DPEP1: variants seen among roughly 807,000 people sequenced by gnomAD.
DPEP1 encodes dipeptidase 1.
DPEP1 carries 50 observed loss-of-function variants against 42.3 expected under a neutral mutation model. The ratio of observed to expected loss-of-function variants is 1.18; its 90% CI spans 0.94 to 1.50. The LOEUF is 1.50. DPEP1 is among the 40% of genes most tolerant of loss of function. DPEP1 has a pLI of 0.00. For missense variants in DPEP1, 663 were observed against 553.0 expected, an observed-to-expected ratio of 1.20 and a Z score of -1.99; for synonymous variants, 297 against 234.0, an observed-to-expected ratio of 1.27 and a Z score of -2.46.
At chr16:89,625,695 C>G (rs2059502541) in intron 1 of DPEP1, among the ~76,000 whole-genome samples, 1 of 152,104 alleles carries the variant, frequency 6.6e-6, no homozygotes, top group Admixed American at 6.5e-5. Context: ...ACTGGAAACT[C>G]TGGGACAAAC....
rs1232059956 is a variant in DPEP1, at chr16:89,621,294, C to T, written c.-107+7575C>T. ...GGGGGATCAGAGTGGTGGGGGCAAC[C>T]GTGGGGGGCCTGGGCAGGGTGAGGA... On this transcript the variant is annotated intron_variant, in intron 1 of 10. Coordinates refer to ENST00000690203, the MANE Select transcript of DPEP1 (RefSeq NM_001389466.1). Among the ~76,000 whole-genome samples the T allele has an allele frequency of 8.7e-5, 8 of 92,060 alleles. No individual in the cohort carries two copies. The South Asian group carries it at 2.4e-3, about 27-fold the overall frequency. The allele number at this position is 92,060 out of a possible 152,430, so 60.4% of individuals were successfully genotyped here. A position where few individuals can be genotyped will look rare whatever the true frequency, so the allele number is the denominator to read the frequency against.
In DPEP1 at chr16:89,636,247, C is replaced by A. The variant is rs1330446502; in HGVS notation, c.238-17C>A. 6.3e-7 allele frequency: 1 copy of A among 1,599,614 alleles called. No homozygotes were observed. The highest frequency in any genetic ancestry group is 1.7e-5 in the Admixed American group (1 of 58,148). ...GACCTGGCTGCATCAGCTCCTGGCACCCCCTGCGGCCCACAGTTCTGGTCC... is the reference window on the plus strand; with the variant it reads ...GACCTGGCTGCATCAGCTCCTGGCAACCCCTGCGGCCCACAGTTCTGGTCC... On this transcript the variant is annotated splice_polypyrimidine_tract_variant and intron_variant, in intron 3 of 10. Transcript: ENST00000690203.
chr16:89,614,045 G>C (rs925188184), intron 1 of DPEP1, among the ~76,000 whole-genome samples: 1 of 151,754 alleles, frequency 6.6e-6, no homozygotes, highest in Non-Finnish European at 1.5e-5. Context: ...CTGGGGCCAG[G>C]TGTGTGGGGC....
At chr16:89,636,834 A>C (rs987806120) in intron 5 of DPEP1, 32 bp from the exon 6 acceptor site, 3 of 1,611,380 alleles carry the variant, frequency 1.9e-6, no homozygotes, top group Non-Finnish European at 2.5e-6. Context: ...ACCACCGCTC[A>C]CCTCTTGGGC....
intron 1 of DPEP1, among the ~76,000 whole-genome samples, chr16:89,615,208 C>T (rs567226292): frequency 5.9e-5 from 9 of 152,228 alleles, no homozygotes; most frequent in African/African-American, 7.2e-5. Context: ...GTCCCTCAGT[C>T]CCTGCTTGCA....
intron 2 of DPEP1, among the ~76,000 whole-genome samples, chr16:89,631,385 T>C (rs2059586337): frequency 1.3e-5 from 2 of 152,172 alleles, no homozygotes; most frequent in African/African-American, 4.8e-5. Flanking sequence ...GGAGGCCTCC[T>C]GCTTCCAGGC....
chr16:89,641,120 A>G (rs1402647749), downstream of DPEP1, among the ~76,000 whole-genome samples: 1 of 152,238 alleles, frequency 6.6e-6, no homozygotes, highest in Non-Finnish European at 1.5e-5. Flanking sequence ...GCTGTCTAGA[A>G]GGCAGAGCCA....
downstream of DPEP1, among the ~76,000 whole-genome samples, chr16:89,639,413 C>G (rs142713696): frequency 3.6e-3 from 186 of 51,628 alleles, 11 homozygotes; most frequent in African/African-American, 0.017. Flanking sequence ...CACACCCCCA[C>G]CCCTACACAC....
Position 89,620,256 on chromosome 16 carries a change from A to T in DPEP1, c.-107+6537A>T, listed in dbSNP as rs570028074. ...GGCCAGGGTCAGTGTCCTCCGAGGGAGTCAGGGAGGTGGCTGGGGTCTGCC... is the reference window on the plus strand; with the variant it reads ...GGCCAGGGTCAGTGTCCTCCGAGGGTGTCAGGGAGGTGGCTGGGGTCTGCC... On this transcript the variant is annotated intron_variant, in intron 1 of 10. Coordinates refer to ENST00000690203, the MANE Select transcript of DPEP1 (RefSeq NM_001389466.1). Among the ~76,000 whole-genome samples, 3 of 152,142 alleles carry T rather than the reference A, an allele frequency of 2.0e-5. No individual in the cohort carries two copies. In the South Asian group the frequency reaches 6.2e-4, roughly 32 times the overall value.
intron 3 of DPEP1, 91 bp from the exon 4 acceptor site, chr16:89,636,173 C>G: frequency 3.2e-6 from 5 of 1,552,320 alleles, no homozygotes; most frequent in Non-Finnish European, 4.3e-6. Flanking sequence ...GGAGGGCTTC[C>G]CAGCGGGTGG....
intron 1 of DPEP1, among the ~76,000 whole-genome samples, chr16:89,614,384 C>T (rs1453915317): frequency 6.6e-6 from 1 of 152,222 alleles, no homozygotes; most frequent in Non-Finnish European, 1.5e-5. Flanking sequence ...AGTCCCCGGA[C>T]TTACTCTCTG....
intron 3 of DPEP1, 111 bp from the exon 4 acceptor site, chr16:89,636,153 C>T: frequency 6.5e-7 from 1 of 1,547,602 alleles, no homozygotes. Context: ...CCCTCGGTGC[C>T]CAGGCCGAGG....
chr16:89,614,963 C>G (rs1597736545), intron 1 of DPEP1, among the ~76,000 whole-genome samples: 2 of 152,238 alleles, frequency 1.3e-5, no homozygotes, highest in African/African-American at 4.8e-5. Flanking sequence ...TCTTACACAG[C>G]CAAGCTATTT....
intron 1 of DPEP1, among the ~76,000 whole-genome samples, chr16:89,625,728 A>G (rs1448931247): frequency 5.3e-5 from 8 of 152,322 alleles, no homozygotes; most frequent in African/African-American, 1.9e-4. Flanking sequence ...CGGAAAAGAC[A>G]GGTGTAAGGT....
intron 1 of DPEP1, among the ~76,000 whole-genome samples, chr16:89,629,866 C>A (rs1415925610): frequency 6.6e-6 from 1 of 152,214 alleles, no homozygotes; most frequent in African/African-American, 2.4e-5. Flanking sequence ...CAGCAGCTTC[C>A]TGGAACGCCC....
chr16:89,632,637 G>C (rs1225729736), intron 2 of DPEP1, among the ~76,000 whole-genome samples: 4 of 152,146 alleles, frequency 2.6e-5, no homozygotes, highest in African/African-American at 7.2e-5. Flanking sequence ...CATTGCCCCA[G>C]CTGCACAGAT....
chr16:89,630,079 T>C (rs2059564381), intron 1 of DPEP1, among the ~76,000 whole-genome samples: 1 of 152,146 alleles, frequency 6.6e-6, no homozygotes, highest in Non-Finnish European at 1.5e-5. Flanking sequence ...CAGCCTGCTG[T>C]CCTTTCATCT....
At chr16:89,621,026 C>G (rs1309120721) in intron 1 of DPEP1, among the ~76,000 whole-genome samples, 4 of 151,818 alleles carry the variant, frequency 2.6e-5, no homozygotes, top group Non-Finnish European at 5.9e-5. Context: ...CTCGTGCCAT[C>G]ACGGGCAGTG....
chr16:89,614,726 C>G lies in DPEP1; in HGVS notation c.-107+1007C>G, dbSNP rs569853664. On this transcript the variant is annotated intron_variant, in intron 1 of 10. Coordinates refer to ENST00000690203, the MANE Select transcript of DPEP1 (RefSeq NM_001389466.1). The stretch of plus-strand genomic sequence containing the variant: ...AGGAGAATGGCGTGAACCCGGGAGG[C>G]GGAGGTTGCGGTGAGCTGAGATCGT... 3.3e-5 allele frequency among the ~76,000 whole-genome samples: 5 copies of G among 152,256 alleles called. No homozygotes were observed. The East Asian group carries it at 9.6e-4, about 29-fold the overall frequency.
Sources: allele counts gnomAD v4.1 joint callset (sites outside exome capture counted in the v4.1 genomes callset), GRCh38; gene constraint gnomAD v4.1.1; transcripts MANE v1.5; gene names NCBI Gene and HGNC (gene_info 2026-07-23, HGNC 2026-07-21).